PPM1F: variants seen among roughly 807,000 people sequenced by gnomAD.
PPM1F encodes the protein protein phosphatase 1F.
A neutral mutation model predicts 35.5 loss-of-function variants in PPM1F; 17 were observed. That is an observed-to-expected ratio of 0.48 (90% CI 0.33 to 0.72). PPM1F has a LOEUF of 0.72. PPM1F is among the 30% of genes least tolerant of loss of function. The pLI, the probability that PPM1F is intolerant of heterozygous loss-of-function variation, is 0.02. For missense variants in PPM1F, 521 were observed against 613.0 expected (o/e 0.85, Z 1.59); for synonymous variants, 241 against 255.5 (o/e 0.94, Z 0.54).
Position 21,939,804 on chromosome 22 carries a change from G to A in PPM1F, c.207-124C>T. ...CCAGCAGGGCGGCCCCTGTCCTCAGGGAGCTGGGACAGGAAGGTCACAGGA... is the reference window on the plus strand; with the variant it reads ...CCAGCAGGGCGGCCCCTGTCCTCAGAGAGCTGGGACAGGAAGGTCACAGGA... On this transcript the variant is annotated intron_variant, in intron 2 of 7. Coordinates refer to ENST00000263212, the MANE Select transcript of PPM1F (RefSeq NM_014634.4). The surrounding 1 kb of genome is among the most constrained non-coding windows in gnomAD (Gnocchi z 5.1). 1 of 1,140,474 alleles carries A rather than the reference G, an allele frequency of 8.8e-7. No individual in the cohort carries two copies. The highest frequency in any genetic ancestry group is 2.6e-5 in the East Asian group (1 of 38,922). 70.6% of individuals were successfully genotyped at this position (1,140,474 alleles called of 1,614,324 possible). A position where few individuals can be genotyped will look rare whatever the true frequency, so the allele number is the denominator to read the frequency against.
At chr22:21,949,064 CTG>C (rs1003318831) in intron 1 of PPM1F, 2 of 152,486 alleles carry the variant, frequency 1.3e-5, no homozygotes, top group African/African-American at 4.8e-5. Context: ...CCTGCTCTCT[CTG>C]TGCCTTGTGC....
At position 21,931,260 on chromosome 22, in the gene PPM1F, G is replaced by T; in HGVS notation, c.779C>A (p.Ala260Glu). The T allele has an allele frequency of 6.2e-7, 1 of 1,613,380 alleles. No homozygotes were observed. Reference sequence around the variant, plus strand: ...GTGCAGGGTCGCTCCTGCAATGAGCGCACACACACCTGTGGTGCCGCTCTG... The same window carrying T: ...GTGCAGGGTCGCTCCTGCAATGAGCTCACACACACCTGTGGTGCCGCTCTG... The part of the protein sequence containing the change: ...RLQSGTTGVC[A>E]LIAGATLHVA... The change falls in exon 6 of 8, where the codon GCG becomes GAG. Residue 260 changes from alanine to glutamate, a missense_variant. This residue lies in a region of PPM1F where 311 missense variants were observed against 351.5 expected (regional missense o/e 0.88). Transcript: ENST00000263212.
intron 2 of PPM1F, chr22:21,942,481 C>G (rs2070735872): frequency 6.6e-6 from 1 of 152,178 alleles, no homozygotes. Context: ...GGAGAAGCCT[C>G]TGGAACTGCC....
At chr22:21,946,988 C>T (rs1214475417) in intron 1 of PPM1F, 1 of 152,276 alleles carries the variant, frequency 6.6e-6, no homozygotes, top group African/African-American at 2.4e-5. Flanking sequence ...GATGAGAATC[C>T]CAAGGTTTGG....
At chr22:21,944,848 G>T (rs529286579) in intron 2 of PPM1F, 2 of 152,354 alleles carry the variant, frequency 1.3e-5, no homozygotes, top group East Asian at 3.9e-4. Context: ...ACTGTCTGCC[G>T]GTGGACACCC....
chr22:21,951,861 G>C (rs2070842533), intron 1 of PPM1F: 1 of 152,284 alleles, frequency 6.6e-6, no homozygotes, highest in Non-Finnish European at 1.5e-5. Context: ...CAAGGTCTCT[G>C]GATGCCCAAT....
At position 21,939,113 on chromosome 22, in the gene PPM1F, G is replaced by A; in HGVS notation, c.355+419C>T. 5.9e-6 allele frequency: 1 copy of A among 170,054 alleles called. No homozygotes were observed. 10.5% of individuals were successfully genotyped at this position (170,054 alleles called of 1,614,324 possible). A position where few individuals can be genotyped will look rare whatever the true frequency, so the allele number is the denominator to read the frequency against. On this transcript the variant is annotated intron_variant, in intron 3 of 7. Coordinates refer to ENST00000263212, the MANE Select transcript of PPM1F (RefSeq NM_014634.4). This position sits in a 1 kb window ranked among gnomAD's most constrained non-coding sequence, Gnocchi z 5.1. ...CCGAGACCTGCTGGCATGCCACCTG[G>A]CCAACCCTGACTTCGCCTGCCCGGG...
rs965512633 is a variant in PPM1F at position 21,922,950 on chromosome 22, T to A, written c.*142A>T. ...CCACCAGGACGGGCTGCGGGGGGTGTCCCGACTGGCTCTGGGGTGCTGGGG... is the reference window on the plus strand; with the variant it reads ...CCACCAGGACGGGCTGCGGGGGGTGACCCGACTGGCTCTGGGGTGCTGGGG... On this transcript the variant is annotated 3_prime_UTR_variant, in exon 8 of 8. Coordinates refer to ENST00000263212, the MANE Select transcript of PPM1F (RefSeq NM_014634.4). 9.1e-7 allele frequency: 1 copy of A among 1,097,744 alleles called. No individual in the cohort carries two copies. The highest frequency in any genetic ancestry group is 1.3e-6 in the Non-Finnish European group (1 of 763,086). The allele number at this position is 1,097,744 out of a possible 1,614,324, so 68.0% of individuals were successfully genotyped here.
intron 3 of PPM1F, chr22:21,938,000 C>T: frequency 3.9e-6 from 4 of 1,029,668 alleles, no homozygotes; most frequent in Non-Finnish European, 5.0e-6. Flanking sequence ...GCTTGGAGTC[C>T]AAAAACTTGA....
chr22:21,923,728 G>T (rs1438815962), intron 7 of PPM1F, among the ~76,000 whole-genome samples: 1 of 152,006 alleles, frequency 6.6e-6, no homozygotes. Context: ...CTGTCGCCAG[G>T]CTGCAGTGGC....
intron 6 of PPM1F, among the ~76,000 whole-genome samples, chr22:21,930,347 G>C (rs570332820): frequency 9.8e-5 from 15 of 152,332 alleles, no homozygotes; most frequent in Non-Finnish European, 1.5e-4. Flanking sequence ...CACTTCTGGG[G>C]ATGTGTCCTA....
chr22:21,923,635 C>T (rs568793241), intron 7 of PPM1F, among the ~76,000 whole-genome samples, 164 bp from the exon 8 acceptor site: 19 of 152,158 alleles, frequency 1.2e-4, no homozygotes, highest in African/African-American at 4.6e-4. Context: ...GTACTTCCCA[C>T]TTGCCTGGGA....
At chr22:21,934,566 T>C in intron 3 of PPM1F, 1 of 253,982 alleles carries the variant, frequency 3.9e-6, no homozygotes, top group Non-Finnish European at 7.7e-6. Flanking sequence ...ATATATCCAA[T>C]GACAAAGGAA....
chr22:21,932,919 C>T (rs550752091), intron 5 of PPM1F: 2 of 152,962 alleles, frequency 1.3e-5, no homozygotes, highest in Middle Eastern at 3.4e-3. Context: ...ACAGCAAATA[C>T]CTGGGGAGGA....
In PPM1F at chr22:21,923,361, C is replaced by T. The variant is rs749829790; in HGVS notation, c.1096G>A (p.Val366Ile). The T allele has an allele frequency of 1.4e-5, 22 of 1,613,636 alleles. No individual in the cohort carries two copies. The highest frequency in any genetic ancestry group is 4.0e-5 in the African/African-American group (3 of 74,914). ...LLACDGFFDV[V>I]PHQEVVGLVQ... Reference sequence around the variant, plus strand: ...AGGCCAACAACTTCCTGGTGGGGTACGACGTCAAAGAAGCCATCACAGGCA... The same window carrying T: ...AGGCCAACAACTTCCTGGTGGGGTATGACGTCAAAGAAGCCATCACAGGCA... Residue 366 changes from valine (V) to isoleucine (I), a missense_variant, in exon 8 of 8, where the codon GTA becomes ATA. By Grantham distance (29) the Val-to-Ile change is conservative. Transcript: ENST00000263212.
chr22:21,948,468 G>A (rs1473930802), intron 1 of PPM1F: 1 of 152,268 alleles, frequency 6.6e-6, no homozygotes, highest in African/African-American at 2.4e-5. Flanking sequence ...GGTCAATGAG[G>A]AGGCGGCACG....
chr22:21,929,434 G>A (rs994554950), intron 6 of PPM1F, among the ~76,000 whole-genome samples: 10 of 152,208 alleles, frequency 6.6e-5, no homozygotes, highest in Non-Finnish European at 8.8e-5. Context: ...ACTTGGAAGC[G>A]GTGGAGCCGG....
chr22:21,925,799 G>T, intron 6 of PPM1F, 137 bp from the exon 7 acceptor site: 1 of 586,724 alleles, frequency 1.7e-6, no homozygotes, highest in Non-Finnish European at 2.9e-6. Flanking sequence ...AAGCCAGGAG[G>T]CTCAGAGATG....
At chr22:21,941,437 A>G (rs2070724195) in intron 2 of PPM1F, 1 of 152,396 alleles carries the variant, frequency 6.6e-6, no homozygotes, top group African/African-American at 2.4e-5. Flanking sequence ...CTGAGCAACT[A>G]GAAGGCTCGT....
Sources: gnomAD v4.1 joint callset for allele counts (sites outside exome capture counted in the v4.1 genomes callset) on GRCh38, gnomAD v4.1.1 for gene constraint, gnomAD v4.1.1 regional missense constraint, Gnocchi (gnomAD v3.1) non-coding constraint, MANE v1.5 for transcripts, NCBI Gene and HGNC (gene_info 2026-07-23, HGNC 2026-07-21) for gene names.